HMGN1: variants seen among roughly 807,000 people sequenced by gnomAD.
HMGN1 encodes non-histone chromosomal protein HMG-14.
HMGN1 carries 9 observed loss-of-function variants against 18.4 expected under a neutral mutation model. The observed-to-expected ratio is 0.49, with a 90% CI of 0.29 to 0.85. HMGN1 has a LOEUF of 0.85. Among genes scored for constraint, HMGN1 ranks in the 40% least tolerant of loss-of-function variants. The pLI is 0.07. For synonymous variants in HMGN1, 59 were observed against 45.0 expected (o/e 1.31, Z -1.24); for missense variants, 151 against 119.2 (o/e 1.27, Z -1.24).
chr21:39,347,492 A>G (rs776852358), intron 4 of HMGN1: 81 of 1,243,466 alleles, frequency 6.5e-5, no homozygotes, highest in Non-Finnish European at 8.3e-5. Context: ...CACTTTTAGG[A>G]AAGAGGTGAA....
intron 4 of HMGN1, chr21:39,345,745 G>A (rs1419705430): frequency 1.7e-5 from 17 of 1,001,656 alleles, no homozygotes; most frequent in Non-Finnish European, 1.9e-5. Context: ...CTCGTCGACC[G>A]TATTCCCACC....
chr21:39,343,281 C>A (rs1033677851), intron 5 of HMGN1, 122 bp from the exon 6 acceptor site: 129 of 965,360 alleles, frequency 1.3e-4, no homozygotes, highest in Middle Eastern at 9.4e-4. Flanking sequence ...CCTACCTACT[C>A]TTGTTAAAAA....
chr21:39,348,617 TC>T (rs1414851700), intron 1 of HMGN1, 40 bp from the exon 2 acceptor site: 4 of 1,455,602 alleles, frequency 2.7e-6, no homozygotes, highest in Admixed American at 2.2e-5. Context: ...CGGGCCGCAG[TC>T]CCAGGACTCG....
At chr21:39,344,626 T>TA (rs570347449) in intron 5 of HMGN1, 11,049 of 143,766 alleles carry the variant, frequency 0.077, 891 homozygotes, top group African/African-American at 0.21. Context: ...GCTTCATTAA[T>TA]AAAAAAAAAA....
rs1486670665 is a variant in HMGN1 at position 39,347,519 on chromosome 21, T to C, written c.126+773A>G. 3 of 934,686 alleles carry C rather than the reference T, an allele frequency of 3.2e-6. No individual in the cohort carries two copies. In the African/African-American group the frequency reaches 5.1e-5, roughly 16 times the overall value. 57.9% of individuals were successfully genotyped at this position (934,686 alleles called of 1,614,324 possible). ...AGAGGTGAAGGCATTAACAAAAATT[T>C]TTTTTGAGACTTCAAATAGCAAACT... On this transcript the variant is annotated intron_variant, in intron 4 of 5. Transcript: ENST00000380749.
At chr21:39,347,439 A>T (rs925410192) in intron 4 of HMGN1, 5 of 1,291,954 alleles carry the variant, frequency 3.9e-6, no homozygotes, top group Non-Finnish European at 4.1e-6. Context: ...CAAGGAAATT[A>T]ATCTTGCCTC....
chr21:39,345,133 ACAC>A lies in HMGN1; in HGVS notation c.255+10_255+12del. The A allele has an allele frequency of 6.4e-7, 1 of 1,573,656 alleles. No individual in the cohort carries two copies. The highest frequency in any genetic ancestry group is 8.6e-7 in the Non-Finnish European group (1 of 1,158,524). ...ATCACACACACACACACACACACAC[ACAC>A]ACTTCTGACCTCCTCAGTCTTCGTT... On this transcript the variant is annotated intron_variant, in intron 5 of 5. Coordinates refer to ENST00000380749, the MANE Select transcript of HMGN1 (RefSeq NM_004965.7).
intron 5 of HMGN1, 31 bp downstream of exon 5, chr21:39,345,109 TCACACA>T (rs3067492): frequency 0.011 from 13,830 of 1,315,700 alleles, no homozygotes; most frequent in South Asian, 0.02. Context: ...GTCAAAGCAA[TCACACA>T]CACACACACA....
chr21:39,347,744 A>T, intron 4 of HMGN1: 1 of 266,590 alleles, frequency 3.8e-6, no homozygotes. Context: ...GCAATCACGA[A>T]TTTGTTAGGG....
At chr21:39,347,516 ATTT>A (rs1258851732) in intron 4 of HMGN1, 1 of 998,300 alleles carries the variant, frequency 1.0e-6, no homozygotes, top group South Asian at 1.3e-5. Flanking sequence ...ATTAACAAAA[ATTT>A]TTTTTGAGAC....
intron 1 of HMGN1, 79 bp downstream of exon 1, chr21:39,348,824 G>C (rs1227660947): frequency 1.9e-6 from 2 of 1,050,512 alleles, no homozygotes; most frequent in Non-Finnish European, 1.2e-6. Flanking sequence ...TGGGTGCAAC[G>C]GGGCCTGGGC....
intron 4 of HMGN1, chr21:39,345,549 T>C: frequency 2.0e-6 from 1 of 506,078 alleles, no homozygotes; most frequent in Non-Finnish European, 3.6e-6. Context: ...CAACTTAAGG[T>C]CCCCCCCAGT....
chr21:39,345,898 T>C (rs1402220054), intron 4 of HMGN1: 6 of 1,302,364 alleles, frequency 4.6e-6, no homozygotes, highest in Admixed American at 4.6e-5. Context: ...TCATATCATA[T>C]AATGAGGAAC....
chr21:39,348,918 C>A lies in HMGN1; in HGVS notation c.-1G>T. 1 of 1,180,246 alleles carries A rather than the reference C, an allele frequency of 8.5e-7. No individual in the cohort carries two copies. 73.1% of individuals were successfully genotyped at this position (1,180,246 alleles called of 1,614,324 possible). A position where few individuals can be genotyped will look rare whatever the true frequency, so the allele number is the denominator to read the frequency against. ...CGCCGCTCACCTTCCTCTTGGGCAT[C>A]GTGGCGGCGGGGAAGGCGCGTGCCG... On this transcript the variant is annotated 5_prime_UTR_variant, in exon 1 of 6. Transcript: ENST00000380749.
chr21:39,346,911 C>A (rs569641159), intron 4 of HMGN1: 1 of 152,294 alleles, frequency 6.6e-6, no homozygotes, highest in South Asian at 2.1e-4. Flanking sequence ...TCTGATGTCC[C>A]AAACCCACTG....
intron 5 of HMGN1, 120 bp from the exon 6 acceptor site, chr21:39,343,279 C>T (rs2036927834): frequency 1.0e-6 from 1 of 978,260 alleles, no homozygotes; most frequent in Non-Finnish European, 1.5e-6. Flanking sequence ...CACCTACCTA[C>T]TCTTGTTAAA....
chr21:39,348,669 C>T (rs1233567592), intron 1 of HMGN1, 92 bp from the exon 2 acceptor site: 1 of 1,422,086 alleles, frequency 7.0e-7, no homozygotes. Flanking sequence ...GGCCGCGTGA[C>T]GTCACGGCTT....
chr21:39,347,353 A>G (rs983732747), intron 4 of HMGN1: 52 of 1,082,412 alleles, frequency 4.8e-5, no homozygotes, highest in Non-Finnish European at 5.9e-5. Flanking sequence ...TTAAATTAAA[A>G]AAGAAAAAAC....
chr21:39,348,333 G>C lies in HMGN1; in HGVS notation c.85C>G (p.Pro29Ala), dbSNP rs368588344. ...RRSARLSAKP[P>A]AKVEAKPKKA... ...TTCGGCTTCGCTTCCACTTTTGCAG[G>C]AGGTTTCTGAAAGGCAAAAGCAGCA... The change falls in exon 4 of 6, where the codon CCT becomes GCT. Residue 29 changes from proline (P) to alanine (A), a missense_variant. By Grantham distance (27) the Pro-to-Ala change is conservative (BLOSUM62 -1). Coordinates refer to ENST00000380749, the MANE Select transcript of HMGN1 (RefSeq NM_004965.7). The C allele has an allele frequency of 5.0e-6, 8 of 1,614,084 alleles. No individual in the cohort carries two copies. Among genetic ancestry groups the C allele is most frequent in the South Asian group, 2.2e-5 (2 of 91,078 alleles).
Sources: gnomAD v4.1 joint callset for allele counts on GRCh38, gnomAD v4.1.1 for gene constraint, MANE v1.5 for transcripts, NCBI Gene and HGNC (gene_info 2026-07-23, HGNC 2026-07-21) for gene names.